Variants in STK31 observed in about 807,000 individuals in gnomAD.
The protein encoded by STK31 is serine/threonine-protein kinase 31.
STK31 carries 89 observed loss-of-function variants against 129.7 expected under a neutral mutation model. The ratio of observed to expected loss-of-function variants is 0.69; its 90% CI spans 0.58 to 0.82. The LOEUF is 0.82. STK31 is among the 40% of genes least tolerant of loss of function. STK31 has a pLI of 0.00. For synonymous variants in STK31, 448 were observed against 395.3 expected (o/e 1.13, Z -1.58); for missense variants, 1,187 against 1,176.4 (o/e 1.01, Z -0.13).
intron 6 of STK31, among the ~76,000 whole-genome samples, chr7:23,732,663 A>G (rs866532633): frequency 6.6e-6 from 1 of 152,222 alleles, no homozygotes; most frequent in South Asian, 2.1e-4. Flanking sequence ...TAAAAATTCT[A>G]TGCAAGGAGT....
chr7:23,773,935 C>T (rs554135455), intron 15 of STK31, among the ~76,000 whole-genome samples: 3 of 150,956 alleles, frequency 2.0e-5, no homozygotes, highest in South Asian at 4.2e-4. Context: ...CCCTGCCACC[C>T]CCCACCCCAC....
At chr7:23,803,918 T>C (rs1478043147) in intron 22 of STK31, among the ~76,000 whole-genome samples, 1 of 152,224 alleles carries the variant, frequency 6.6e-6, no homozygotes, top group African/African-American at 2.4e-5. Flanking sequence ...TAGGTTATTA[T>C]GGAAATCTTA....
intron 6 of STK31, among the ~76,000 whole-genome samples, chr7:23,733,748 G>A (rs1448733422): frequency 6.6e-6 from 1 of 151,984 alleles, no homozygotes; most frequent in Non-Finnish European, 1.5e-5. Context: ...GATGGAGCTT[G>A]CAGTGAGCCG....
Position 23,736,979 on chromosome 7 carries a change from G to T in STK31, c.918G>T (p.Leu306=), listed in dbSNP as rs779590184. The change falls in exon 8 of 24, where the codon CTG becomes CTT. Residue 306 remains leucine (L), a synonymous_variant. Transcript: ENST00000355870. ...SLEKIKQDQK[L]IEENEKLKTE... Reference sequence around the variant, plus strand: ...AAAAAATTAAGCAGGACCAGAAACTGATTGAAGAAAATGAAAAACTTAAAA... The same window carrying T: ...AAAAAATTAAGCAGGACCAGAAACTTATTGAAGAAAATGAAAAACTTAAAA... 6.2e-7 allele frequency: 1 copy of T among 1,613,882 alleles called. No individual in the cohort carries two copies. The highest frequency in any genetic ancestry group is 1.1e-5 in the South Asian group (1 of 91,042).
chr7:23,799,127 A>G (rs1017759026), intron 22 of STK31, among the ~76,000 whole-genome samples: 3 of 152,226 alleles, frequency 2.0e-5, no homozygotes, highest in Admixed American at 6.5e-5. Context: ...TTCCATGCTC[A>G]TGGATAGGGA....
intron 15 of STK31, among the ~76,000 whole-genome samples, chr7:23,775,807 T>G (rs11983694): frequency 0.25 from 38,347 of 152,078 alleles, 5,222 homozygotes; most frequent in East Asian, 0.39. Context: ...TCTTCTTATG[T>G]GAATACCTTT....
chr7:23,791,266 A>G, intron 22 of STK31: 5 of 985,236 alleles, frequency 5.1e-6, no homozygotes, highest in Non-Finnish European at 6.0e-6. Flanking sequence ...CCTTGGGTAT[A>G]TTCCTGCTTC....
At chr7:23,787,648 G>C (rs1255898716) in intron 20 of STK31, among the ~76,000 whole-genome samples, 1 of 151,904 alleles carries the variant, frequency 6.6e-6, no homozygotes, top group Non-Finnish European at 1.5e-5. Flanking sequence ...TGTGATCTGA[G>C]GTGGAACAGT....
At chr7:23,812,225 T>G (rs1332249615) in intron 22 of STK31, among the ~76,000 whole-genome samples, 2 of 152,092 alleles carry the variant, frequency 1.3e-5, no homozygotes, top group African/African-American at 2.4e-5. Flanking sequence ...GAATTTGTGG[T>G]GGTTGAGAGT....
chr7:23,831,607 C>T (rs1794552104), intron 23 of STK31, among the ~76,000 whole-genome samples: 1 of 152,184 alleles, frequency 6.6e-6, no homozygotes, highest in Admixed American at 6.5e-5. Flanking sequence ...TAATTTCTGT[C>T]ATTGTATTAA....
In STK31 at chr7:23,780,676, A is replaced by T. The variant is rs147291429; in HGVS notation, c.1966-743A>T. Among the ~76,000 whole-genome samples the T allele has an allele frequency of 5.3e-4, 80 of 152,322 alleles. No individual in the cohort carries two copies. The East Asian group carries it at 0.014, about 26-fold the overall frequency. On this transcript the variant is annotated intron_variant, in intron 15 of 23. Coordinates refer to ENST00000355870, the MANE Select transcript of STK31 (RefSeq NM_031414.5). ...TTTGTCTCAGTTGAGCAAAGGGATG[A>T]TGACTTAGAGTTCTGTCCTTTGTCC...
intron 23 of STK31, among the ~76,000 whole-genome samples, chr7:23,831,472 C>A (rs1425131117): frequency 6.6e-6 from 1 of 152,026 alleles, no homozygotes; most frequent in Admixed American, 6.5e-5. Context: ...CTTTTCCCAT[C>A]TTTTTGCAGC....
chr7:23,712,785 C>T (rs1055750527), intron 3 of STK31, among the ~76,000 whole-genome samples: 1 of 152,108 alleles, frequency 6.6e-6, no homozygotes, highest in Non-Finnish European at 1.5e-5. Context: ...TAAGGTTACT[C>T]AGTTTTAAAT....
At chr7:23,738,150 A>G (rs1265499396) in intron 8 of STK31, among the ~76,000 whole-genome samples, 1 of 152,178 alleles carries the variant, frequency 6.6e-6, no homozygotes, top group Admixed American at 6.5e-5. Flanking sequence ...CTCAGGTTAG[A>G]TAATTCACTA....
intron 11 of STK31, 149 bp downstream of exon 11, chr7:23,763,072 T>C: frequency 1.5e-6 from 1 of 683,308 alleles, no homozygotes; most frequent in East Asian, 3.2e-5. Context: ...TTAATGGGAT[T>C]AAAAGTTTAT....
rs138165332 is a variant in STK31, at chr7:23,776,372, T to C, written c.1965+4094T>C. ...AATGAGTTAGGGAGGATTCCCTCTT[T>C]TTCTGTTGTTTGGAATTGTTTCAGA... On this transcript the variant is annotated intron_variant, in intron 15 of 23. Coordinates refer to ENST00000355870, the MANE Select transcript of STK31 (RefSeq NM_031414.5). Among the ~76,000 whole-genome samples the C allele has an allele frequency of 4.8e-3, 729 of 152,338 alleles. 6 individuals carry two copies. Among genetic ancestry groups the C allele is most frequent in the African/African-American group, 0.016 (685 of 41,584 alleles).
chr7:23,805,724 A>G (rs1253330633), intron 22 of STK31, among the ~76,000 whole-genome samples: 2 of 152,010 alleles, frequency 1.3e-5, no homozygotes, highest in Admixed American at 6.6e-5. Context: ...GGCTCAAGCA[A>G]TTTGTCCACC....
chr7:23,769,856 TAGAA>T (rs2128103161), intron 13 of STK31, 100 bp downstream of exon 13: 1 of 731,598 alleles, frequency 1.4e-6, no homozygotes, highest in African/African-American at 1.8e-5. Flanking sequence ...TCTTGCTAGT[TAGAA>T]AGTATTAAGA....
chr7:23,711,157 A>G (rs1785933940), intron 1 of STK31, among the ~76,000 whole-genome samples: 1 of 152,176 alleles, frequency 6.6e-6, no homozygotes, highest in South Asian at 2.1e-4. Flanking sequence ...TAAAGCTCTT[A>G]AAAAATTGCG....
Sources: allele counts gnomAD v4.1 joint callset (sites outside exome capture counted in the v4.1 genomes callset), GRCh38; gene constraint gnomAD v4.1.1; transcripts MANE v1.5; gene names NCBI Gene and HGNC (gene_info 2026-07-23, HGNC 2026-07-21).